Variants in UNC13B observed in about 807,000 individuals in gnomAD.
UNC13B encodes the protein protein unc-13 homolog B.
Under a neutral mutation model 211.0 loss-of-function variants are expected in UNC13B, and 144 were observed. The ratio of observed to expected loss-of-function variants is 0.68; its 90% CI spans 0.60 to 0.78. The LOEUF is 0.78. Ranked by LOEUF, UNC13B falls within the 30% of genes least tolerant of loss-of-function variation. The probability of loss-of-function intolerance (pLI) is 0.00; values close to 1 mark genes in which losing one functional copy is unlikely to be tolerated. For missense variants in UNC13B, 1,777 were observed against 2,002.0 expected, an observed-to-expected ratio of 0.89 and a Z score of 2.14; for synonymous variants, 709 against 725.8, an observed-to-expected ratio of 0.98 and a Z score of 0.37.
At chr9:35,270,457 C>A (rs1469871666) in intron 7 of UNC13B, among the ~76,000 whole-genome samples, 3 of 151,874 alleles carry the variant, frequency 2.0e-5, no homozygotes, top group African/African-American at 2.4e-5. Context: ...CCAGTGAGAA[C>A]CTCTGTTCCC....
rs1026373651 is a variant in UNC13B at position 35,320,492 on chromosome 9, G to C, written c.9414+6503G>C. 8.5e-5 allele frequency among the ~76,000 whole-genome samples: 13 copies of C among 152,208 alleles called. No homozygotes were observed. In the East Asian group the frequency reaches 2.3e-3, roughly 27 times the overall value. On this transcript the variant is annotated intron_variant, in intron 11 of 39. Coordinates refer to ENST00000635942, the MANE Select transcript of UNC13B (RefSeq NM_001371189.2). ...CAAACTTTTGGATTTTCACTTATCT[G>C]CTAGGCTCTTTTTGCTATCCTGTTT... is the stretch of plus-strand genomic sequence containing the variant.
At chr9:35,384,374 T>C (rs1327166122) in intron 22 of UNC13B, 60 bp downstream of exon 22, 1 of 1,563,416 alleles carries the variant, frequency 6.4e-7, no homozygotes, top group Non-Finnish European at 8.7e-7. Flanking sequence ...CCAGAGAGAC[T>C]GTAGGCCAAT....
chr9:35,222,597 C>A (rs540335022), intron 1 of UNC13B, among the ~76,000 whole-genome samples: 4 of 152,050 alleles, frequency 2.6e-5, no homozygotes, highest in African/African-American at 9.7e-5. Context: ...AATAACTGTA[C>A]GTATTTATGA....
At chr9:35,309,098 A>G (rs1345827754) in intron 9 of UNC13B, among the ~76,000 whole-genome samples, 2 of 152,148 alleles carry the variant, frequency 1.3e-5, no homozygotes, top group African/African-American at 4.8e-5. Context: ...AGTCTCGAGC[A>G]GTGTACAGGA....
chr9:35,293,415 T>C (rs1829191313), intron 7 of UNC13B, among the ~76,000 whole-genome samples: 1 of 152,194 alleles, frequency 6.6e-6, no homozygotes, highest in African/African-American at 2.4e-5. Flanking sequence ...AGTGATAGGA[T>C]TGTCTGTCGC....
intron 4 of UNC13B, among the ~76,000 whole-genome samples, chr9:35,236,866 G>T (rs1052426784): frequency 8.5e-5 from 13 of 152,176 alleles, no homozygotes; most frequent in African/African-American, 3.1e-4. Flanking sequence ...GTGTGTCGGT[G>T]TGTGTGTTTA....
intron 8 of UNC13B, among the ~76,000 whole-genome samples, chr9:35,298,841 C>T (rs1211066408): frequency 6.6e-6 from 1 of 152,168 alleles, no homozygotes; most frequent in African/African-American, 2.4e-5. Context: ...TTAAGGTGGG[C>T]ATGTAGCTTC....
chr9:35,283,730 T>C (rs1354650484), intron 7 of UNC13B, among the ~76,000 whole-genome samples: 2 of 152,170 alleles, frequency 1.3e-5, no homozygotes, highest in Non-Finnish European at 2.9e-5. Context: ...TGGAGTTGAG[T>C]TGCAATTTTA....
Position 35,377,557 on chromosome 9 carries a change from C to T in UNC13B, c.9925C>T (p.Arg3309Ter), listed in dbSNP as rs575353228. ...GAAGGACCGCATGAAGATCCGAGAG[C>T]GAAATAAGCCAGAGATCTTTGAAGT... ...AMKDRMKIRERNKPEIFEVIR... is the reference protein window; with the variant it reads ...AMKDRMKIRE The change falls in exon 16 of 40, where the codon CGA (arginine) becomes TGA (stop). Residue 3309 changes from arginine to a stop codon, truncating the protein, a stop_gained. Coordinates refer to ENST00000635942, the MANE Select transcript of UNC13B (RefSeq NM_001371189.2). LOFTEE classifies it high-confidence loss of function. 7 of 1,614,196 alleles carry T rather than the reference C, an allele frequency of 4.3e-6. No homozygotes were observed. The highest frequency in any genetic ancestry group is 4.5e-5 in the East Asian group (2 of 44,888).
intron 1 of UNC13B, among the ~76,000 whole-genome samples, chr9:35,227,124 A>G (rs1041582432): frequency 1.3e-5 from 2 of 152,244 alleles, no homozygotes. Context: ...GGTAGTCTCC[A>G]GTGAGAGACA....
chr9:35,173,891 C>T (rs1821466216), intron 1 of UNC13B, among the ~76,000 whole-genome samples: 1 of 152,134 alleles, frequency 6.6e-6, no homozygotes, highest in African/African-American at 2.4e-5. Flanking sequence ...CCATATGTTA[C>T]CTCATCTCAT....
At chr9:35,403,058 C>A in intron 37 of UNC13B, 109 bp from the exon 38 acceptor site, 1 of 837,992 alleles carries the variant, frequency 1.2e-6, no homozygotes. Flanking sequence ...CCCATGGTTA[C>A]TGTGGTGATT....
At chr9:35,397,804 T>A in intron 30 of UNC13B, 92 bp downstream of exon 30, 1 of 1,335,066 alleles carries the variant, frequency 7.5e-7, no homozygotes, top group Admixed American at 1.9e-5. Flanking sequence ...AGGGTTGGGG[T>A]GACACTCCTG....
chr9:35,265,468 T>A (rs1392849925), intron 7 of UNC13B, among the ~76,000 whole-genome samples: 1 of 152,214 alleles, frequency 6.6e-6, no homozygotes, highest in East Asian at 1.9e-4. Context: ...TAAATTGTTG[T>A]TGTTTAAGCT....
intron 7 of UNC13B, among the ~76,000 whole-genome samples, chr9:35,290,254 G>A (rs1420453082): frequency 6.6e-6 from 1 of 151,970 alleles, no homozygotes; most frequent in Non-Finnish European, 1.5e-5. Flanking sequence ...GGACCCAATA[G>A]GCTAGAGTGG....
rs932390513 is a variant in UNC13B, at chr9:35,301,683, T to C, written c.2279T>C (p.Leu760Pro). Residue 760 changes from leucine (L) to proline (P), a missense_variant, in exon 9 of 40, where the codon CTG (leucine) becomes CCG (proline). Leu to Pro is a moderately conservative substitution (Grantham distance 98, BLOSUM62 -3). Coordinates refer to ENST00000635942, the MANE Select transcript of UNC13B (RefSeq NM_001371189.2). Reference protein sequence around the residue: ...SLLEEKLCIDLSLLPDQQKIC... With the variant: ...SLLEEKLCIDPSLLPDQQKIC... ...TTGGAAGAAAAACTCTGTATAGATC[T>C]GTCTCTTTTACCAGATCAACAAAAA... 2.3e-5 allele frequency: 9 copies of C among 398,790 alleles called. No homozygotes were observed. The highest frequency in any genetic ancestry group is 1.8e-4 in the Admixed American group (4 of 22,714). 24.7% of individuals were successfully genotyped at this position (398,790 alleles called of 1,614,324 possible).
Position 35,310,714 on chromosome 9 carries a change from G to T in UNC13B, c.9256G>T (p.Asp3086Tyr), listed in dbSNP as rs141476659. Residue 3086 changes from aspartate to tyrosine, a missense_variant, in exon 10 of 40, where the codon GAT becomes TAT. By Grantham distance (160) the Asp-to-Tyr change is radical. Transcript: ENST00000635942. ...AACEPKEMKE[D>Y]ATTHPPPDLV... ...ATGTGAACCCAAGGAGATGAAAGAA[G>T]ATGCCACAACCCACCCTCCCCCAGA... 2.9e-5 allele frequency: 46 copies of T among 1,613,932 alleles called. No homozygotes were observed. The African/African-American group carries it at 5.2e-4, about 18-fold the overall frequency.
Position 35,227,952 on chromosome 9 carries a change from A to T in UNC13B, c.23-63A>T, listed in dbSNP as rs997590855. ...AACATTGGTATGTAGTGCCTAATAA[A>T]TGTTGCTTAAGTAAAATGAACTTGG... is the stretch of plus-strand genomic sequence containing the variant. On this transcript the variant is annotated intron_variant, in intron 1 of 39. Coordinates refer to ENST00000635942, the MANE Select transcript of UNC13B (RefSeq NM_001371189.2). The T allele has an allele frequency of 1.2e-5, 17 of 1,463,012 alleles. No individual in the cohort carries two copies. In the East Asian group the frequency reaches 3.9e-4, roughly 33 times the overall value. The allele number at this position is 1,463,012 out of a possible 1,614,324, so 90.6% of individuals were successfully genotyped here.
chr9:35,376,577 A>G (rs2132224720), intron 15 of UNC13B, among the ~76,000 whole-genome samples: 1 of 152,332 alleles, frequency 6.6e-6, no homozygotes, highest in Admixed American at 6.5e-5. Flanking sequence ...AAATGACAAA[A>G]GCATCAGGAT....
Sources: allele counts gnomAD v4.1 joint callset (sites outside exome capture counted in the v4.1 genomes callset), GRCh38; gene constraint gnomAD v4.1.1; transcripts MANE v1.5; gene names NCBI Gene and HGNC (gene_info 2026-07-23, HGNC 2026-07-21).